Variants in ATF7 observed in about 807,000 individuals in gnomAD.
ATF7 encodes cyclic AMP-dependent transcription factor ATF-7.
Under a neutral mutation model 50.4 loss-of-function variants are expected in ATF7, and 10 were observed. The observed-to-expected ratio is 0.20, with a 90% CI of 0.12 to 0.34. The LOEUF is 0.34. ATF7 is among the 10% of genes least tolerant of loss of function. The pLI is 1.00. For missense variants in ATF7, 465 were observed against 613.9 expected, an observed-to-expected ratio of 0.76 and a Z score of 2.56; for synonymous variants, 201 against 226.4, an observed-to-expected ratio of 0.89 and a Z score of 1.01.
chr12:53,528,908 C>T (rs1175709987), intron 9 of ATF7, among the ~76,000 whole-genome samples: 2 of 152,018 alleles, frequency 1.3e-5, no homozygotes, highest in Middle Eastern at 3.4e-3. Flanking sequence ...CCAAGAGAAA[C>T]GGGAAGAACG....
chr12:53,525,386 T>C (rs1441987974), intron 9 of ATF7, among the ~76,000 whole-genome samples: 2 of 152,120 alleles, frequency 1.3e-5, no homozygotes, highest in African/African-American at 4.8e-5. Flanking sequence ...GGGAATCTTA[T>C]AGGCAGGGAA....
intron 1 of ATF7, among the ~76,000 whole-genome samples, chr12:53,603,909 G>A (rs1943501392): frequency 6.6e-6 from 1 of 152,104 alleles, no homozygotes; most frequent in Non-Finnish European, 1.5e-5. Context: ...ACACATTTCT[G>A]TAGTGTAAAC....
rs549639282 is a variant in ATF7, at chr12:53,584,460, T to C, written c.48+16493A>G. On this transcript the variant is annotated intron_variant, in intron 2 of 11. Coordinates refer to ENST00000420353, the MANE Select transcript of ATF7 (RefSeq NM_006856.3). ...GCCACTTTGGAAGACAGTTTGACAG[T>C]TTCTTACAAAACTAAACATAGTCTT... Among the ~76,000 whole-genome samples, 4 of 152,332 alleles carry C rather than the reference T, an allele frequency of 2.6e-5. No individual in the cohort carries two copies. In the East Asian group the frequency reaches 5.8e-4, roughly 22 times the overall value.
chr12:53,619,186 A>G (rs1021552787), intron 1 of ATF7, among the ~76,000 whole-genome samples: 3 of 152,154 alleles, frequency 2.0e-5, no homozygotes, highest in African/African-American at 7.2e-5. Context: ...TCCAGGGAAT[A>G]AAGTTTTTTT....
intron 1 of ATF7, among the ~76,000 whole-genome samples, chr12:53,604,312 C>T (rs188035929): frequency 1.3e-5 from 2 of 152,124 alleles, no homozygotes; most frequent in Admixed American, 6.5e-5. Context: ...GAGAAAGTTA[C>T]GTAAATGCTG....
At chr12:53,533,374 C>T in intron 6 of ATF7, 115 bp from the exon 7 acceptor site, 1 of 791,642 alleles carries the variant, frequency 1.3e-6, no homozygotes, top group Non-Finnish European at 2.0e-6. Flanking sequence ...TATAGGGCAG[C>T]ATGGTAAAAA....
chr12:53,529,056 A>G (rs1031862609), intron 9 of ATF7, among the ~76,000 whole-genome samples: 4 of 152,122 alleles, frequency 2.6e-5, no homozygotes, highest in African/African-American at 4.8e-5. Context: ...CCTGGGCAAC[A>G]TGGCGAGTCT....
intron 2 of ATF7, among the ~76,000 whole-genome samples, chr12:53,566,746 TTTTG>T (rs1408652961): frequency 6.6e-6 from 1 of 152,124 alleles, no homozygotes; most frequent in African/African-American, 2.4e-5. Context: ...CACAGTTTTT[TTTTG>T]TTTTTGTTTT....
At chr12:53,544,718 C>T (rs537018026) in intron 3 of ATF7, among the ~76,000 whole-genome samples, 15 of 152,184 alleles carry the variant, frequency 9.9e-5, no homozygotes, top group Non-Finnish European at 1.5e-4. Flanking sequence ...CACTGCACTC[C>T]AGCCTGGGTG....
intron 2 of ATF7, among the ~76,000 whole-genome samples, chr12:53,572,469 G>T (rs889139666): frequency 4.6e-5 from 7 of 152,156 alleles, no homozygotes; most frequent in African/African-American, 7.2e-5. Flanking sequence ...TCACAGAGGA[G>T]CCCCCACACC....
In ATF7 at chr12:53,524,503, C is replaced by A; in HGVS notation, c.1125+61G>T. The A allele has an allele frequency of 1.3e-6, 2 of 1,572,806 alleles. No homozygotes were observed. Among genetic ancestry groups the A allele is most frequent in the Non-Finnish European group, 1.7e-6 (2 of 1,153,364 alleles). On this transcript the variant is annotated intron_variant, in intron 10 of 11. Coordinates refer to ENST00000420353, the MANE Select transcript of ATF7 (RefSeq NM_006856.3). The surrounding 1 kb of genome is among the most constrained non-coding windows in gnomAD (Gnocchi z 4.6). Reference sequence around the variant, plus strand: ...TTCTATCAAATTGTACCACTTTTTTCTGATTCCATCCCACTTTCTGGATTT... The same window carrying A: ...TTCTATCAAATTGTACCACTTTTTTATGATTCCATCCCACTTTCTGGATTT...
At chr12:53,577,609 G>T (rs1336689817) in intron 2 of ATF7, among the ~76,000 whole-genome samples, 1 of 151,598 alleles carries the variant, frequency 6.6e-6, no homozygotes, top group Non-Finnish European at 1.5e-5. Flanking sequence ...CCAGCTACTC[G>T]GGAGGCTGAG....
chr12:53,587,366 C>CAGGAGAAAAAAAAAAAA (rs1942733037), intron 2 of ATF7, among the ~76,000 whole-genome samples: 1 of 62,264 alleles, frequency 1.6e-5, no homozygotes. Flanking sequence ...AATTCCGCAT[C>CAGGAGAAAAAAAAAAAA]AAAAAAAAAA....
intron 2 of ATF7, among the ~76,000 whole-genome samples, chr12:53,555,274 G>T (rs1383616012): frequency 1.3e-5 from 2 of 150,854 alleles, no homozygotes; most frequent in African/African-American, 4.9e-5. Context: ...GCAGTGAGCC[G>T]AGATTGCGCC....
chr12:53,551,222 C>T (rs1282247854), intron 3 of ATF7, among the ~76,000 whole-genome samples: 4 of 152,052 alleles, frequency 2.6e-5, no homozygotes, highest in Non-Finnish European at 5.9e-5. Flanking sequence ...TGCAGTAGCA[C>T]GGTCATAGCA....
intron 3 of ATF7, among the ~76,000 whole-genome samples, chr12:53,546,223 A>AC (rs1302396594): frequency 6.6e-6 from 1 of 151,328 alleles, no homozygotes; most frequent in Non-Finnish European, 1.5e-5. Flanking sequence ...AAACAAACAA[A>AC]AAACAACCAA....
At chr12:53,617,861 C>T (rs1261676094) in intron 1 of ATF7, among the ~76,000 whole-genome samples, 1 of 146,386 alleles carries the variant, frequency 6.8e-6, no homozygotes, top group Non-Finnish European at 1.5e-5. Flanking sequence ...TCATTGTAAA[C>T]AGGCAGTCAG....
At chr12:53,580,396 G>A (rs1464763654) in intron 2 of ATF7, among the ~76,000 whole-genome samples, 2 of 151,164 alleles carry the variant, frequency 1.3e-5, no homozygotes, top group African/African-American at 4.8e-5. Context: ...CGGGTGCGGT[G>A]GCTCACGCCT....
At chr12:53,527,926 C>T (rs1007431584) in intron 9 of ATF7, among the ~76,000 whole-genome samples, 1 of 151,952 alleles carries the variant, frequency 6.6e-6, no homozygotes, top group South Asian at 2.1e-4. Flanking sequence ...ACTGTAACCT[C>T]CACCTCCCAG....
Sources: gnomAD v4.1 joint callset for allele counts (sites outside exome capture counted in the v4.1 genomes callset) on GRCh38, gnomAD v4.1.1 for gene constraint, Gnocchi (gnomAD v3.1) non-coding constraint, MANE v1.5 for transcripts, NCBI Gene and HGNC (gene_info 2026-07-23, HGNC 2026-07-21) for gene names.